Variants in HDAC9 observed in about 807,000 individuals in gnomAD.
The protein encoded by HDAC9 is histone deacetylase 9, also known as MEF-2 interacting transcription repressor (MITR) protein.
Under a neutral mutation model 139.4 loss-of-function variants are expected in HDAC9, and 41 were observed. The ratio of observed to expected loss-of-function variants is 0.29; its 90% CI spans 0.23 to 0.38. The LOEUF (loss-of-function observed/expected upper bound fraction) is 0.38. HDAC9 is among the 10% of genes least tolerant of loss of function. The pLI, the probability that HDAC9 is intolerant of heterozygous loss-of-function variation, is 1.00. For synonymous variants in HDAC9, 517 were observed against 476.2 expected, an observed-to-expected ratio of 1.09 and a Z score of -1.12; for missense variants, 1,147 against 1,297.0, an observed-to-expected ratio of 0.88 and a Z score of 1.78.
chr7:18,519,453 A>G (rs1804292307), intron 2 of HDAC9, among the ~76,000 whole-genome samples: 1 of 152,210 alleles, frequency 6.6e-6, no homozygotes, highest in African/African-American at 2.4e-5. Context: ...TAAATAATCA[A>G]AGGCTATGAA....
chr7:18,250,331 T>C (rs1415851551), intron 2 of HDAC9, among the ~76,000 whole-genome samples: 1 of 152,188 alleles, frequency 6.6e-6, no homozygotes, highest in East Asian at 1.9e-4. Flanking sequence ...CAGAAACATA[T>C]GTTGCATGTT....
chr7:18,801,999 G>T (rs1476849912), intron 17 of HDAC9, among the ~76,000 whole-genome samples: 2 of 151,652 alleles, frequency 1.3e-5, no homozygotes, highest in Admixed American at 6.6e-5. Flanking sequence ...TCTAATTCCT[G>T]TAGAGCAAAC....
chr7:18,733,086 T>C (rs976894471), intron 13 of HDAC9, among the ~76,000 whole-genome samples: 5 of 145,816 alleles, frequency 3.4e-5, no homozygotes, highest in South Asian at 2.1e-4. Context: ...TGTATACACA[T>C]ATATACATGT....
chr7:18,305,954 T>C (rs1448360856), intron 1 of HDAC9, among the ~76,000 whole-genome samples: 2 of 152,046 alleles, frequency 1.3e-5, no homozygotes, highest in Non-Finnish European at 2.9e-5. Flanking sequence ...CCAAGATGTA[T>C]TTTAGTTTGA....
chr7:18,268,049 C>T (rs540742936), intron 2 of HDAC9, among the ~76,000 whole-genome samples: 22 of 152,180 alleles, frequency 1.4e-4, no homozygotes, highest in South Asian at 4.1e-4. Flanking sequence ...GTTGGTGCTA[C>T]TCAGTTATTG....
intron 23 of HDAC9, among the ~76,000 whole-genome samples, chr7:18,941,954 C>G (rs1174285353): frequency 6.6e-6 from 1 of 151,954 alleles, no homozygotes; most frequent in Non-Finnish European, 1.5e-5. Context: ...TATAAATTTT[C>G]TATATAGTCT....
chr7:18,342,117 G>A (rs1041954202), intron 1 of HDAC9, among the ~76,000 whole-genome samples: 1 of 151,774 alleles, frequency 6.6e-6, no homozygotes, highest in South Asian at 2.1e-4. Flanking sequence ...TTACACACAT[G>A]TACAGGTCAG....
At chr7:18,130,733 A>G (rs922349409) in intron 1 of HDAC9, among the ~76,000 whole-genome samples, 3 of 152,110 alleles carry the variant, frequency 2.0e-5, no homozygotes, top group East Asian at 1.9e-4. Context: ...TTTCATATAC[A>G]TGGAATTATA....
intron 2 of HDAC9, among the ~76,000 whole-genome samples, chr7:18,529,450 C>T (rs890257960): frequency 6.6e-6 from 1 of 152,184 alleles, no homozygotes; most frequent in Admixed American, 6.5e-5. Context: ...TCATCCAACA[C>T]TTAGTTTGGT....
Position 18,874,516 on chromosome 7 carries a change from A to G in HDAC9, c.2723A>G (p.Asp908Gly), listed in dbSNP as rs1208941771. The change falls in exon 22 of 26, where the codon GAC becomes GGC. Residue 908 changes from aspartate to glycine, a missense_variant. Asp to Gly is a moderately conservative substitution (Grantham distance 94). Transcript: ENST00000686413. Reference sequence around the variant, plus strand: ...CCTGTGGCCAAAGAGTTTGATCCAGACATGGTCTTAGTATCTGCTGGATTT... The same window carrying G: ...CCTGTGGCCAAAGAGTTTGATCCAGGCATGGTCTTAGTATCTGCTGGATTT... ...VKPVAKEFDP[D>G]MVLVSAGFDA... The G allele has an allele frequency of 1.3e-6, 2 of 1,593,646 alleles. No individual in the cohort carries two copies. Among genetic ancestry groups the G allele is most frequent in the African/African-American group, 2.7e-5 (2 of 74,598 alleles).
intron 2 of HDAC9, among the ~76,000 whole-genome samples, chr7:18,500,153 C>T (rs1029951511): frequency 6.6e-6 from 1 of 152,074 alleles, no homozygotes; most frequent in Non-Finnish European, 1.5e-5. Context: ...AAGGATGACA[C>T]AGGAGGCATA....
intron 11 of HDAC9, among the ~76,000 whole-genome samples, chr7:18,655,688 C>G (rs922276344): frequency 6.6e-6 from 1 of 152,186 alleles, no homozygotes; most frequent in Non-Finnish European, 1.5e-5. Context: ...CATAAACATT[C>G]CCAGTGCTGC....
chr7:18,198,473 T>C (rs1291367605), intron 2 of HDAC9, among the ~76,000 whole-genome samples: 1 of 152,174 alleles, frequency 6.6e-6, no homozygotes, highest in East Asian at 1.9e-4. Flanking sequence ...GCTCAAATGG[T>C]CCTGTGTTTA....
chr7:18,592,791 A>G (rs778830934), intron 5 of HDAC9, among the ~76,000 whole-genome samples: 6 of 152,164 alleles, frequency 3.9e-5, no homozygotes, highest in Non-Finnish European at 7.4e-5. Context: ...CAAATATTCA[A>G]TCAATATCAC....
intron 2 of HDAC9, among the ~76,000 whole-genome samples, chr7:18,278,530 T>A (rs1796893094): frequency 6.6e-6 from 1 of 152,222 alleles, no homozygotes; most frequent in Admixed American, 6.5e-5. Flanking sequence ...TCATATTTAA[T>A]ATAATACAGA....
chr7:18,942,102 C>A (rs957198742), intron 23 of HDAC9, among the ~76,000 whole-genome samples: 1 of 152,002 alleles, frequency 6.6e-6, no homozygotes, highest in Non-Finnish European at 1.5e-5. Flanking sequence ...TTTATCTGAC[C>A]ATTCATTAGT....
At chr7:18,185,887 C>T (rs146149116) in intron 2 of HDAC9, among the ~76,000 whole-genome samples, 3,306 of 152,232 alleles carry the variant, frequency 0.022, 57 homozygotes, top group Non-Finnish European at 0.029. Context: ...TTTGTCACTT[C>T]GTGCAAAGTA....
intron 25 of HDAC9, among the ~76,000 whole-genome samples, chr7:18,981,385 C>T (rs1249401969): frequency 2.6e-5 from 4 of 152,332 alleles, no homozygotes; most frequent in African/African-American, 7.2e-5. Flanking sequence ...AAAACGTTCA[C>T]ATACCTTTTT....
chr7:18,495,693 C>G (rs1796761311), upstream of HDAC9: 1 of 965,184 alleles, frequency 1.0e-6, no homozygotes, highest in South Asian at 4.8e-5. Flanking sequence ...GATTCATATG[C>G]AAATGGATTA....
Sources: allele counts gnomAD v4.1 joint callset (sites outside exome capture counted in the v4.1 genomes callset), GRCh38; gene constraint gnomAD v4.1.1; transcripts MANE v1.5; gene names NCBI Gene and HGNC (gene_info 2026-07-23, HGNC 2026-07-21).